The following CASQ2 variants were observed in gnomAD, a reference collection of about 807,000 sequenced individuals.
CASQ2 encodes calsequestrin 2, also known as calsequestrin-2.
In CASQ2, 49 loss-of-function variants were observed where a neutral mutation model predicts 46.5. The ratio of observed to expected loss-of-function variants is 1.05; its 90% CI spans 0.84 to 1.34. The LOEUF (loss-of-function observed/expected upper bound fraction) is 1.34. CASQ2 is among the 40% of genes most tolerant of loss of function. CASQ2 has a pLI of 0.00. For missense variants in CASQ2, 486 were observed against 481.3 expected, an observed-to-expected ratio of 1.01 and a Z score of -0.09; for synonymous variants, 174 against 168.5, an observed-to-expected ratio of 1.03 and a Z score of -0.25.
rs780586441 is a variant in CASQ2, at chr1:115,740,470, C to T, written c.420+258G>A. 5.3e-5 allele frequency among the ~76,000 whole-genome samples: 8 copies of T among 152,298 alleles called. No individual in the cohort carries two copies. The East Asian group carries it at 5.8e-4, about 11-fold the overall frequency. ...GCAAAACCAAGGAGATTTCAATAGA[C>T]GTCTATGTATAACTGGTAACAGAAT... On this transcript the variant is annotated intron_variant, in intron 3 of 10. Transcript: ENST00000261448.
intron 8 of CASQ2, among the ~76,000 whole-genome samples, chr1:115,716,872 A>G (rs949906305): frequency 6.6e-6 from 1 of 152,132 alleles, no homozygotes; most frequent in Non-Finnish European, 1.5e-5. Context: ...GTGAGATTAA[A>G]AGTGATATGG....
intron 8 of CASQ2, among the ~76,000 whole-genome samples, chr1:115,707,426 T>C (rs1425209157): frequency 6.6e-6 from 1 of 152,172 alleles, no homozygotes; most frequent in African/African-American, 2.4e-5. Flanking sequence ...CAAATGAGAT[T>C]ATGACAAACA....
chr1:115,761,767 G>A (rs1053106169), intron 1 of CASQ2, among the ~76,000 whole-genome samples: 1 of 152,000 alleles, frequency 6.6e-6, no homozygotes, highest in Non-Finnish European at 1.5e-5. Flanking sequence ...CATTACCCAG[G>A]ATTATGATTC....
At chr1:115,717,928 A>T (rs1333298879) in intron 7 of CASQ2, 34 bp from the exon 8 acceptor site, 1 of 1,429,758 alleles carries the variant, frequency 7.0e-7, no homozygotes, top group South Asian at 1.1e-5. Context: ...TTACACTTCC[A>T]GCTGGAGGGA....
intron 7 of CASQ2, among the ~76,000 whole-genome samples, chr1:115,722,376 AT>A (rs1647408267): frequency 6.6e-6 from 1 of 152,248 alleles, no homozygotes; most frequent in Non-Finnish European, 1.5e-5. Flanking sequence ...AAAGGAGAGA[AT>A]GAGTTCCAAT....
chr1:115,740,710 C>T lies in CASQ2; in HGVS notation c.420+18G>A. On this transcript the variant is annotated intron_variant, in intron 3 of 10. Coordinates refer to ENST00000261448, the MANE Select transcript of CASQ2 (RefSeq NM_001232.4). ...GGAGAGGCAGCTCCATGCAGGGTCA[C>T]TGTGTATAAATACTTACATCCAAGA... 1 of 1,480,848 alleles carries T rather than the reference C, an allele frequency of 6.8e-7. No homozygotes were observed. Among genetic ancestry groups the T allele is most frequent in the South Asian group, 1.1e-5 (1 of 88,666 alleles). The allele number at this position is 1,480,848 out of a possible 1,614,324, so 91.7% of individuals were successfully genotyped here.
At chr1:115,745,022 G>T in intron 1 of CASQ2, 110 bp from the exon 2 acceptor site, 1 of 784,842 alleles carries the variant, frequency 1.3e-6, no homozygotes, top group Non-Finnish European at 2.2e-6. Context: ...TATACTTGCT[G>T]TTACTATGTG....
At chr1:115,719,372 G>A (rs1180267171) in intron 7 of CASQ2, among the ~76,000 whole-genome samples, 1 of 152,228 alleles carries the variant, frequency 6.6e-6, no homozygotes, top group Non-Finnish European at 1.5e-5. Flanking sequence ...AGGCTAGCCT[G>A]TGTCTCTGTC....
chr1:115,756,400 G>A (rs1186863743), intron 1 of CASQ2, among the ~76,000 whole-genome samples: 1 of 152,202 alleles, frequency 6.6e-6, no homozygotes, highest in East Asian at 1.9e-4. Flanking sequence ...TCTTCAGGGG[G>A]CTGACTTTCT....
chr1:115,725,888 C>T (rs1647566552), intron 6 of CASQ2, among the ~76,000 whole-genome samples: 1 of 152,152 alleles, frequency 6.6e-6, no homozygotes, highest in African/African-American at 2.4e-5. Flanking sequence ...GCCACCACTC[C>T]AGAGAGCCCA....
intron 6 of CASQ2, 64 bp downstream of exon 6, chr1:115,726,928 C>T: frequency 7.3e-7 from 1 of 1,361,894 alleles, no homozygotes; most frequent in East Asian, 2.4e-5. Context: ...AATGTTAGCA[C>T]AGAGAGGCTC....
At chr1:115,746,184 G>C (rs1648384320) in intron 1 of CASQ2, among the ~76,000 whole-genome samples, 1 of 151,288 alleles carries the variant, frequency 6.6e-6, no homozygotes, top group Non-Finnish European at 1.5e-5. Flanking sequence ...TTGCTGAGTA[G>C]AATGTATGGT....
At chr1:115,764,614 C>T (rs1165502339) in intron 1 of CASQ2, among the ~76,000 whole-genome samples, 1 of 152,192 alleles carries the variant, frequency 6.6e-6, no homozygotes, top group Non-Finnish European at 1.5e-5. Context: ...ACCTAGATGA[C>T]TCCCACAGTT....
chr1:115,765,433 A>G (rs1649103196), intron 1 of CASQ2, among the ~76,000 whole-genome samples: 1 of 152,142 alleles, frequency 6.6e-6, no homozygotes, highest in African/African-American at 2.4e-5. Flanking sequence ...CTTAGAATGA[A>G]TGGGGTGGCC....
chr1:115,739,173 A>G (rs1424979969), intron 3 of CASQ2, among the ~76,000 whole-genome samples: 46 of 124,736 alleles, frequency 3.7e-4, no homozygotes, highest in East Asian at 2.4e-3. Context: ...GTGCAGTGGC[A>G]CGATCTAGGC....
chr1:115,737,405 T>C (rs1165974184), intron 4 of CASQ2, among the ~76,000 whole-genome samples: 1 of 152,132 alleles, frequency 6.6e-6, no homozygotes, highest in Non-Finnish European at 1.5e-5. Context: ...TCAGAAATAG[T>C]CATAAGCAGC....
Position 115,705,234 on chromosome 1 carries a change from G to A in CASQ2, c.897C>T (p.Pro299=), listed in dbSNP as rs752053912. Residue 299 remains proline (P), a synonymous_variant, in exon 9 of 11, where the codon CCC becomes CCT. Transcript: ENST00000261448. ...KQVARDNTDN[P]DLSILWIDPD... is the part of the protein sequence containing the mutation. ...GGTCGATCCACAGGATGCTCAGATC[G>A]GGGTTGTCAGTATTGTCCCGGGCAA... 23 of 1,613,918 alleles carry A rather than the reference G, an allele frequency of 1.4e-5. No individual in the cohort carries two copies. In the East Asian group the frequency reaches 1.6e-4, roughly 11 times the overall value.
chr1:115,717,781 C>T, intron 8 of CASQ2, 59 bp downstream of exon 8: 2 of 1,259,998 alleles, frequency 1.6e-6, no homozygotes, highest in South Asian at 2.4e-5. Flanking sequence ...TGAGGGCTGG[C>T]AAAGGTGAGA....
At chr1:115,747,260 C>T (rs1165622658) in intron 1 of CASQ2, among the ~76,000 whole-genome samples, 1 of 152,052 alleles carries the variant, frequency 6.6e-6, no homozygotes, top group Non-Finnish European at 1.5e-5. Context: ...GCTTTTGTAA[C>T]TTTGTCAAAA....
Sources: gnomAD v4.1 joint callset for allele counts (sites outside exome capture counted in the v4.1 genomes callset) on GRCh38, gnomAD v4.1.1 for gene constraint, MANE v1.5 for transcripts, NCBI Gene and HGNC (gene_info 2026-07-23, HGNC 2026-07-21) for gene names.